TRIM49C: variants seen among roughly 807,000 people sequenced by gnomAD.
The protein encoded by TRIM49C is tripartite motif containing 49C.
Under a neutral mutation model 21.4 loss-of-function variants are expected in TRIM49C, and 6 were observed. The ratio of observed to expected loss-of-function variants is 0.28; its 90% CI spans 0.15 to 0.55. The LOEUF is 0.55. TRIM49C is among the 20% of genes least tolerant of loss of function. The probability of loss-of-function intolerance (pLI) is 0.94; values close to 1 mark genes in which losing one functional copy is unlikely to be tolerated. For missense variants in TRIM49C, 161 were observed against 442.4 expected, an observed-to-expected ratio of 0.36 and a Z score of 5.71; for synonymous variants, 57 against 148.1, an observed-to-expected ratio of 0.38 and a Z score of 4.47.
At chr11:90,064,553 TTTTC>T in the TRIM49C span, among the ~76,000 whole-genome samples, 52 of 144,030 alleles carry the variant, frequency 3.6e-4, no homozygotes, top group Non-Finnish European at 6.6e-4. Flanking sequence ...TATTGATCTA[TTTTC>T]TTTCTTTCTA....
the TRIM49C span, among the ~76,000 whole-genome samples, chr11:90,047,527 CTTCT>C: frequency 8.5e-6 from 1 of 117,426 alleles, no homozygotes; most frequent in Admixed American, 9.8e-5. Flanking sequence ...ATGTAATGGC[CTTCT>C]TTGTCTCTTT....
At chr11:90,031,413 C>G (rs1262959002) in intron 1 of TRIM49C, among the ~76,000 whole-genome samples, 169 bp downstream of exon 1, 1 of 140,522 alleles carries the variant, frequency 7.1e-6, no homozygotes, top group East Asian at 2.1e-4. Flanking sequence ...GCAAAGAATT[C>G]CTCTATCAGA....
the TRIM49C span, chr11:90,071,119 TC>T: frequency 2.0e-6 from 1 of 491,264 alleles, no homozygotes; most frequent in Non-Finnish European, 4.0e-6. Context: ...TCTAAAGGAG[TC>T]GTTTTCTCTC....
chr11:90,067,335 G>T, the TRIM49C span, among the ~76,000 whole-genome samples: 8 of 139,828 alleles, frequency 5.7e-5, 1 homozygote, highest in Non-Finnish European at 1.6e-5. Flanking sequence ...CAACATGGAA[G>T]CAAACTTCTT....
At chr11:90,071,816 G>A in the TRIM49C span, 11 of 890,744 alleles carry the variant, frequency 1.2e-5, no homozygotes, top group Non-Finnish European at 1.7e-5. Context: ...CTCTTGGTGG[G>A]ATCAACATGC....
the TRIM49C span, among the ~76,000 whole-genome samples, chr11:90,071,393 C>G: frequency 1.4e-5 from 2 of 141,154 alleles, 1 homozygote; most frequent in African/African-American, 5.1e-5. Flanking sequence ...TCAGGGGTTT[C>G]TGTTTTGAAG....
Position 90,040,986 on chromosome 11 carries a change from A to G in TRIM49C, c.860-65A>G. 3.4e-6 allele frequency: 5 copies of G among 1,464,752 alleles called. No homozygotes were observed. In the South Asian group the frequency reaches 4.4e-5, roughly 13 times the overall value. 90.7% of individuals were successfully genotyped at this position (1,464,752 alleles called of 1,614,324 possible). A position where few individuals can be genotyped will look rare whatever the true frequency, so the allele number is the denominator to read the frequency against. ...TGCTGGTAAAGTAACTTCTTGATAGAACAATTATTTTTTTCTTATTTACAC... is the reference window on the plus strand; with the variant it reads ...TGCTGGTAAAGTAACTTCTTGATAGGACAATTATTTTTTTCTTATTTACAC... On this transcript the variant is annotated intron_variant, in intron 7 of 7. Transcript: ENST00000448984.
the TRIM49C span, among the ~76,000 whole-genome samples, chr11:90,060,151 AC>A: frequency 7.0e-6 from 1 of 142,618 alleles, no homozygotes; most frequent in African/African-American, 2.7e-5. Context: ...GGAAATAGGC[AC>A]TGAGAATGAT....
chr11:90,043,546 G>A (rs1950784336), downstream of TRIM49C, among the ~76,000 whole-genome samples: 2 of 120,714 alleles, frequency 1.7e-5, 1 homozygote, highest in South Asian at 6.2e-4. Flanking sequence ...ATAGCTACAT[G>A]TTTGCTTAGA....
At chr11:90,054,429 C>T in the TRIM49C span, among the ~76,000 whole-genome samples, 348 of 132,520 alleles carry the variant, frequency 2.6e-3, 21 homozygotes, top group South Asian at 8.3e-3. Flanking sequence ...TATTTATTTA[C>T]TTATTTATTC....
At chr11:90,070,906 G>T in the TRIM49C span, among the ~76,000 whole-genome samples, 1 of 140,410 alleles carries the variant, frequency 7.1e-6, no homozygotes, top group African/African-American at 2.6e-5. Flanking sequence ...CTATTCTCCT[G>T]CCTCATCCTC....
the TRIM49C span, among the ~76,000 whole-genome samples, chr11:90,069,783 C>A: frequency 9.1e-6 from 1 of 109,670 alleles, no homozygotes; most frequent in African/African-American, 3.6e-5. Flanking sequence ...GAATCAAAAT[C>A]TTACTCAGAA....
At chr11:90,071,837 G>A in the TRIM49C span, 301 of 771,858 alleles carry the variant, frequency 3.9e-4, 25 homozygotes, top group African/African-American at 4.4e-3. Context: ...AATGCCTTCA[G>A]TTATGGTTTT....
In TRIM49C at chr11:90,041,036, T is replaced by C. The variant is rs1186213477; in HGVS notation, c.860-15T>C. The C allele has an allele frequency of 4.1e-6, 6 of 1,451,840 alleles. No individual in the cohort carries two copies. The highest frequency in any genetic ancestry group is 2.9e-5 in the Admixed American group (1 of 34,762). The allele number at this position is 1,451,840 out of a possible 1,614,324, so 89.9% of individuals were successfully genotyped here. On this transcript the variant is annotated splice_polypyrimidine_tract_variant and intron_variant, in intron 7 of 7. Coordinates refer to ENST00000448984, the MANE Select transcript of TRIM49C (RefSeq NM_001195234.1). ...CATGTCTATGCATGTTTTCTTTTTT[T>C]TTTTTTTTTTGCAGTGCATATTACT...
chr11:90,071,274 T>C, the TRIM49C span: 1 of 458,890 alleles, frequency 2.2e-6, no homozygotes, highest in African/African-American at 2.1e-5. Flanking sequence ...CCATAATGTG[T>C]CAATGTGATT....
chr11:90,052,389 A>T, the TRIM49C span: 4 of 185,932 alleles, frequency 2.2e-5, no homozygotes, highest in African/African-American at 1.0e-4. Context: ...CGCGAAGGCC[A>T]CGGCGGGGCT....
At chr11:90,063,360 TA>T in the TRIM49C span, among the ~76,000 whole-genome samples, 1 of 125,504 alleles carries the variant, frequency 8.0e-6, no homozygotes. Context: ...AAATGTTGTA[TA>T]AATACTTGTA....
At chr11:90,070,259 C>A in the TRIM49C span, among the ~76,000 whole-genome samples, 3,620 of 103,896 alleles carry the variant, frequency 0.035, 163 homozygotes, top group Middle Eastern at 0.1. Context: ...AGGAGTCAGA[C>A]AAAGGAATGG....
chr11:90,056,084 G>A, the TRIM49C span, among the ~76,000 whole-genome samples: 3 of 131,434 alleles, frequency 2.3e-5, 1 homozygote, highest in African/African-American at 8.1e-5. Context: ...TCAGCCTCCC[G>A]AGTAGCTGGG....
Sources: allele counts gnomAD v4.1 joint callset (sites outside exome capture counted in the v4.1 genomes callset), GRCh38; gene constraint gnomAD v4.1.1; transcripts MANE v1.5; gene names NCBI Gene and HGNC (gene_info 2026-07-23, HGNC 2026-07-21).